AKAP7: variants seen among roughly 807,000 people sequenced by gnomAD.
AKAP7 encodes A kinase (PRKA) anchor protein 7.
In AKAP7, 39 loss-of-function variants were observed where a neutral mutation model predicts 39.5. The ratio of observed to expected loss-of-function variants is 0.99; its 90% CI spans 0.76 to 1.29. The LOEUF is 1.29. Ranked by LOEUF, AKAP7 falls within the 50% of genes most tolerant of loss-of-function variation. The pLI is 0.00. For synonymous variants in AKAP7, 140 were observed against 139.1 expected, an observed-to-expected ratio of 1.01 and a Z score of -0.05; for missense variants, 414 against 407.7, an observed-to-expected ratio of 1.02 and a Z score of -0.13.
At chr6:131,278,202 G>A (rs1434034757) in intron 7 of AKAP7, among the ~76,000 whole-genome samples, 5 of 152,174 alleles carry the variant, frequency 3.3e-5, no homozygotes, top group Non-Finnish European at 4.4e-5. Flanking sequence ...AGAAGCCGAG[G>A]ATATAATTTC....
chr6:131,250,515 A>G (rs905818759), intron 7 of AKAP7: 39 of 1,613,098 alleles, frequency 2.4e-5, no homozygotes, highest in Admixed American at 3.3e-5. Context: ...TGCAATTTCT[A>G]TTTGGGGTCC....
upstream of AKAP7, among the ~76,000 whole-genome samples, chr6:131,133,136 T>C (rs1800365248): frequency 6.6e-6 from 1 of 152,188 alleles, no homozygotes; most frequent in Admixed American, 6.6e-5. Context: ...TACTACTACT[T>C]CTAAAAAGTC....
chr6:131,276,068 A>G (rs947798016), intron 7 of AKAP7, among the ~76,000 whole-genome samples: 1 of 152,218 alleles, frequency 6.6e-6, no homozygotes, highest in African/African-American at 2.4e-5. Flanking sequence ...GTGGAGGGAC[A>G]TACAGTGTAG....
chr6:131,159,668 A>C (rs539597652), intron 2 of AKAP7, among the ~76,000 whole-genome samples: 7 of 152,328 alleles, frequency 4.6e-5, no homozygotes, highest in African/African-American at 1.4e-4. Context: ...AAACATACCT[A>C]TACAGGATGG....
chr6:131,132,400 G>T (rs1397060696), upstream of AKAP7, among the ~76,000 whole-genome samples: 2 of 151,736 alleles, frequency 1.3e-5, no homozygotes, highest in Admixed American at 6.6e-5. Context: ...TTTAACGAAG[G>T]TTCACCTGCA....
Position 131,135,510 on chromosome 6 carries a change from T to TGCTGCGGCTGCCGCC in AKAP7, c.-251_-237dup, listed in dbSNP as rs1554376062. On this transcript the variant is annotated 5_prime_UTR_variant, in exon 1 of 8. Transcript: ENST00000431975. Reference sequence around the variant, plus strand: ...CGGCCTGGCATGCGGGTGCTGCGGCTGCTGCGGCTGCCGCCGCCGCTGCTG... The same window carrying TGCTGCGGCTGCCGCC: ...CGGCCTGGCATGCGGGTGCTGCGGCTGCTGCGGCTGCCGCCGCTGCGGCTGCCGCCGCCGCTGCTG... 6.7e-6 allele frequency among the ~76,000 whole-genome samples: 1 copy of TGCTGCGGCTGCCGCC among 148,494 alleles called. No individual in the cohort carries two copies. Among genetic ancestry groups the TGCTGCGGCTGCCGCC allele is most frequent in the Non-Finnish European group, 1.5e-5 (1 of 66,648 alleles).
At chr6:131,146,236 T>C (rs1254811949) in intron 2 of AKAP7, among the ~76,000 whole-genome samples, 2 of 152,220 alleles carry the variant, frequency 1.3e-5, no homozygotes, top group Admixed American at 6.5e-5. Context: ...CAATTCAGTC[T>C]TTGAGAGCTT....
intron 7 of AKAP7, among the ~76,000 whole-genome samples, chr6:131,263,794 A>G (rs1207048735): frequency 6.6e-6 from 1 of 152,118 alleles, no homozygotes; most frequent in Non-Finnish European, 1.5e-5. Context: ...GGGGCAGACC[A>G]TTGTAAAGTG....
At chr6:131,253,063 G>C (rs182698978) in intron 7 of AKAP7, 9 of 1,613,734 alleles carry the variant, frequency 5.6e-6, no homozygotes, top group Non-Finnish European at 6.8e-6. Context: ...GTCCTCTGCA[G>C]TCCTACAGAG....
chr6:131,142,838 A>G (rs1801159684), intron 1 of AKAP7, among the ~76,000 whole-genome samples: 1 of 152,228 alleles, frequency 6.6e-6, no homozygotes, highest in Admixed American at 6.5e-5. Flanking sequence ...ATCCATAGGG[A>G]CAGAACTGCC....
intron 1 of AKAP7, chr6:131,136,786 A>G (rs1800579974): frequency 1.1e-6 from 1 of 890,110 alleles, no homozygotes; most frequent in Admixed American, 6.2e-5. Context: ...AGGAAAGGAA[A>G]GCCTGGAGGT....
At chr6:131,186,848 C>A (rs1805914468) in intron 5 of AKAP7, among the ~76,000 whole-genome samples, 1 of 152,182 alleles carries the variant, frequency 6.6e-6, no homozygotes, top group African/African-American at 2.4e-5. Flanking sequence ...AAGGCCCCAC[C>A]TCTTAATACC....
intron 4 of AKAP7, among the ~76,000 whole-genome samples, chr6:131,168,471 A>C (rs1356744911): frequency 6.6e-6 from 1 of 152,028 alleles, no homozygotes; most frequent in Non-Finnish European, 1.5e-5. Flanking sequence ...AGAGGGAGAA[A>C]AGAAGAAGGA....
chr6:131,253,893 T>A (rs1293944727), intron 7 of AKAP7, among the ~76,000 whole-genome samples: 2 of 152,118 alleles, frequency 1.3e-5, no homozygotes. Context: ...GAAAGTTAGG[T>A]TGATTCCGTA....
At position 131,141,928 on chromosome 6, in the gene AKAP7, T is replaced by C. The variant is rs966235981; in HGVS notation, c.20-3357T>C. Among the ~76,000 whole-genome samples the C allele has an allele frequency of 4.2e-5, 6 of 144,062 alleles. No homozygotes were observed. The East Asian group carries it at 1.2e-3, about 29-fold the overall frequency. The allele number at this position is 144,062 out of a possible 152,430, so 94.5% of individuals were successfully genotyped here. ...TTTTTTTTTTTTTTTTGCAACAGGGTCTCACTCTGTCACCCAGGGTGGAGT... is the reference window on the plus strand; with the variant it reads ...TTTTTTTTTTTTTTTTGCAACAGGGCCTCACTCTGTCACCCAGGGTGGAGT... On this transcript the variant is annotated intron_variant, in intron 1 of 7. Transcript: ENST00000431975.
rs1358463405 is a variant in AKAP7, at chr6:131,199,501, A to G, written c.630A>G (p.Val210=). The G allele has an allele frequency of 3.1e-6, 5 of 1,610,792 alleles. No homozygotes were observed. Among genetic ancestry groups the G allele is most frequent in the Non-Finnish European group, 4.2e-6 (5 of 1,177,574 alleles). The change falls in exon 6 of 8, where the codon GTA becomes GTG. Residue 210 remains valine, a synonymous_variant. Transcript: ENST00000431975. ...NRTFQEKGIL[V]GESRSFKPHL... is the part of the protein sequence containing the mutation. Reference sequence around the variant, plus strand: ...CATTTCAAGAAAAAGGCATCCTGGTAGGAGAGAGCAGAAGTTTTAAACCTC... The same window carrying G: ...CATTTCAAGAAAAAGGCATCCTGGTGGGAGAGAGCAGAAGTTTTAAACCTC...
chr6:131,282,061 C>A lies in AKAP7; in HGVS notation c.*335C>A, dbSNP rs989348446. On this transcript the variant is annotated 3_prime_UTR_variant, in exon 8 of 8. Coordinates refer to ENST00000431975, the MANE Select transcript of AKAP7 (RefSeq NM_016377.4). Reference sequence around the variant, plus strand: ...AAGAGGCCTTGCCATCAATGGAATACTGCCATTTATATTGCTTAGCAGGGC... The same window carrying A: ...AAGAGGCCTTGCCATCAATGGAATAATGCCATTTATATTGCTTAGCAGGGC... 2 of 1,137,496 alleles carry A rather than the reference C, an allele frequency of 1.8e-6. No homozygotes were observed. Among genetic ancestry groups the A allele is most frequent in the Non-Finnish European group, 2.2e-6 (2 of 929,182 alleles). 70.5% of individuals were successfully genotyped at this position (1,137,496 alleles called of 1,614,324 possible).
At position 131,220,118 on chromosome 6, in the gene AKAP7, T is replaced by C. The variant is rs74565557; in HGVS notation, c.850+310T>C. The stretch of plus-strand genomic sequence containing the variant: ...ATTTCATGAACATGAAGAAAACATT[T>C]TCTCCAGGGAAGGCCTCCATGACCT... On this transcript the variant is annotated intron_variant, in intron 7 of 7. Transcript: ENST00000431975. Among the ~76,000 whole-genome samples, 1,115 of 152,288 alleles carry C rather than the reference T, an allele frequency of 7.3e-3. 11 individuals are homozygous for C. Among genetic ancestry groups the C allele is most frequent in the African/African-American group, 0.026 (1,073 of 41,548 alleles).
intron 1 of AKAP7, among the ~76,000 whole-genome samples, chr6:131,143,453 C>T (rs555391832): frequency 6.6e-6 from 1 of 152,280 alleles, no homozygotes; most frequent in East Asian, 1.9e-4. Context: ...TGTTGGCTTC[C>T]CTTTGCCTTG....
Sources: gnomAD v4.1 joint callset for allele counts (sites outside exome capture counted in the v4.1 genomes callset) on GRCh38, gnomAD v4.1.1 for gene constraint, MANE v1.5 for transcripts, NCBI Gene and HGNC (gene_info 2026-07-23, HGNC 2026-07-21) for gene names.